Variants in ACSL3 observed in about 807,000 individuals in gnomAD.
ACSL3 encodes acyl-CoA synthetase long chain family member 3.
In ACSL3, 34 loss-of-function variants were observed where a neutral mutation model predicts 84.7. That is an observed-to-expected ratio of 0.40 (90% confidence interval 0.31 to 0.53). The LOEUF is 0.53. ACSL3 is among the 20% of genes least tolerant of loss of function. The pLI is 0.48. For synonymous variants in ACSL3, 315 were observed against 299.4 expected (o/e 1.05, Z -0.54); for missense variants, 680 against 873.1 (o/e 0.78, Z 2.79).
At position 222,902,969 on chromosome 2, in the gene ACSL3, C is replaced by T. The variant is rs527684630; in HGVS notation, c.-41+2189C>T. ...TGAAGGTGAGGTTTCACCGGGGACTCTACCCTATCTGCCTAGGTATTTGTC... is the reference window on the plus strand; with the variant it reads ...TGAAGGTGAGGTTTCACCGGGGACTTTACCCTATCTGCCTAGGTATTTGTC... On this transcript the variant is annotated intron_variant, in intron 3 of 16. Coordinates refer to ENST00000357430, the MANE Select transcript of ACSL3 (RefSeq NM_004457.5). 2.6e-5 allele frequency among the ~76,000 whole-genome samples: 4 copies of T among 152,306 alleles called. No individual in the cohort carries two copies. The East Asian group carries it at 5.8e-4, about 22-fold the overall frequency.
At position 222,937,668 on chromosome 2, in the gene ACSL3, C is replaced by T. The variant is rs10932980; in HGVS notation, c.2005+2981C>T. Among the ~76,000 whole-genome samples the T allele has an allele frequency of 7.9e-5, 12 of 152,050 alleles. No individual in the cohort carries two copies. The East Asian group carries it at 2.1e-3, about 27-fold the overall frequency. On this transcript the variant is annotated intron_variant, in intron 16 of 16. Coordinates refer to ENST00000357430, the MANE Select transcript of ACSL3 (RefSeq NM_004457.5). ...ATGGAATATCTATTTCCATCCTTCA[C>T]TTTAGGTTACGCATGCCCTTGGATC...
intron 1 of ACSL3, among the ~76,000 whole-genome samples, chr2:222,863,694 G>A (rs953124726): frequency 6.6e-6 from 1 of 152,084 alleles, no homozygotes; most frequent in African/African-American, 2.4e-5. Context: ...TGTAGCATAC[G>A]CTTCACAGGG....
intron 1 of ACSL3, among the ~76,000 whole-genome samples, chr2:222,868,093 G>C (rs536733904): frequency 6.6e-6 from 1 of 151,556 alleles, no homozygotes; most frequent in East Asian, 1.9e-4. Flanking sequence ...GATAATTCAC[G>C]TGTACCCTTT....
intron 1 of ACSL3, among the ~76,000 whole-genome samples, chr2:222,872,205 A>G (rs996822585): frequency 3.9e-5 from 6 of 152,098 alleles, no homozygotes; most frequent in East Asian, 3.8e-4. Flanking sequence ...GCTCACTGCA[A>G]TCTCCGTCTC....
intron 16 of ACSL3, among the ~76,000 whole-genome samples, chr2:222,941,244 A>G (rs529886123): frequency 3.9e-5 from 6 of 152,194 alleles, no homozygotes; most frequent in East Asian, 1.9e-4. Flanking sequence ...CTCGTTTTCA[A>G]TGACAGAATA....
intron 4 of ACSL3, among the ~76,000 whole-genome samples, chr2:222,914,655 G>T (rs1696529774): frequency 6.6e-6 from 1 of 152,132 alleles, no homozygotes. Context: ...ATTGCTTCAG[G>T]GTGTTGAGGT....
intron 1 of ACSL3, among the ~76,000 whole-genome samples, chr2:222,869,556 A>G (rs1373685619): frequency 2.6e-5 from 4 of 152,256 alleles, no homozygotes; most frequent in African/African-American, 9.6e-5. Flanking sequence ...TTCTGTAAGG[A>G]CAAGAGGATT....
intron 1 of ACSL3, among the ~76,000 whole-genome samples, chr2:222,862,164 T>C (rs1695031360): frequency 6.6e-6 from 1 of 152,260 alleles, no homozygotes; most frequent in Admixed American, 6.5e-5. Flanking sequence ...ATTGAGCTTT[T>C]ATTACATGCC....
chr2:222,923,999 T>A (rs1440061), intron 10 of ACSL3, among the ~76,000 whole-genome samples: 1 of 152,174 alleles, frequency 6.6e-6, no homozygotes, highest in Non-Finnish European at 1.5e-5. Context: ...AAACAAAAAC[T>A]CCCAAACGTT....
Position 222,916,983 on chromosome 2 carries a change from G to C in ACSL3, c.556+487G>C, listed in dbSNP as rs79587003. Reference sequence around the variant, plus strand: ...ATAGTTCTGGAAGCATAAGTTCAGAGGTCTCGGTGCCAAAATGTGACAGTA... The same window carrying C: ...ATAGTTCTGGAAGCATAAGTTCAGACGTCTCGGTGCCAAAATGTGACAGTA... On this transcript the variant is annotated intron_variant, in intron 5 of 16. Transcript: ENST00000357430. 6.1e-3 allele frequency among the ~76,000 whole-genome samples: 928 copies of C among 152,254 alleles called. 3 individuals carry two copies. The highest frequency in any genetic ancestry group is 0.022 in the African/African-American group (894 of 41,530).
At chr2:222,898,107 CTTCCTCTTTTAT>C (rs1696033613) in intron 2 of ACSL3, among the ~76,000 whole-genome samples, 1 of 152,164 alleles carries the variant, frequency 6.6e-6, no homozygotes, top group African/African-American at 2.4e-5. Context: ...AACTCTCAGG[CTTCCTCTTTTAT>C]TTCCTCTTTT....
At chr2:222,922,295 A>G (rs1000730100) in intron 8 of ACSL3, among the ~76,000 whole-genome samples, 6 of 152,220 alleles carry the variant, frequency 3.9e-5, no homozygotes, top group South Asian at 2.1e-4. Flanking sequence ...CTGGTTGGCA[A>G]CCCACTAGAT....
At chr2:222,890,683 C>T (rs1167821771) in intron 2 of ACSL3, among the ~76,000 whole-genome samples, 2 of 152,070 alleles carry the variant, frequency 1.3e-5, no homozygotes, top group African/African-American at 4.8e-5. Flanking sequence ...GGTCTGTGGC[C>T]CAGGCTGAGG....
chr2:222,934,093 G>GA (rs925613060), intron 15 of ACSL3, among the ~76,000 whole-genome samples: 12 of 151,482 alleles, frequency 7.9e-5, no homozygotes, highest in Non-Finnish European at 1.3e-4. Context: ...GATAACAAAA[G>GA]AAAAAAAAGA....
chr2:222,917,986 A>G, intron 5 of ACSL3, 60 bp from the exon 6 acceptor site: 2 of 1,228,592 alleles, frequency 1.6e-6, no homozygotes, highest in South Asian at 1.2e-5. Context: ...CCACATTCAG[A>G]GACTTTACAT....
chr2:222,862,101 T>G (rs904493711), intron 1 of ACSL3, among the ~76,000 whole-genome samples: 2 of 152,244 alleles, frequency 1.3e-5, no homozygotes, highest in African/African-American at 2.4e-5. Flanking sequence ...AGAAAGGCAG[T>G]AGGCTTTGTG....
chr2:222,887,539 G>A (rs561980484), intron 1 of ACSL3, among the ~76,000 whole-genome samples: 2 of 152,276 alleles, frequency 1.3e-5, no homozygotes, highest in South Asian at 4.1e-4. Context: ...ATTCCCACCA[G>A]CAATGAATGA....
In ACSL3 at chr2:222,924,591, G is replaced by A. The variant is rs34626661; in HGVS notation, c.1288G>A (p.Asp430Asn). 335 of 1,598,038 alleles carry A rather than the reference G, an allele frequency of 2.1e-4. 1 individual carries two copies. In the African/African-American group the frequency reaches 3.5e-3, roughly 17 times the overall value. The part of the protein sequence containing the change: ...ISKGRNTPLC[D>N]SFVFRKVRSL... ...AAAAGGACGTAATACTCCACTGTGCGACAGGTAAGTAAAGACTCTCTACCT... is the reference window on the plus strand; with the variant it reads ...AAAAGGACGTAATACTCCACTGTGCAACAGGTAAGTAAAGACTCTCTACCT... The change falls in exon 11 of 17, where the codon GAC (aspartate) becomes AAC (asparagine). Residue 430 changes from aspartate (D) to asparagine (N), a missense_variant. Around this residue, in one of 2 missense-constraint regions of ACSL3, gnomAD observed 347 missense variants for 525.7 expected, o/e 0.66. Transcript: ENST00000357430.
At chr2:222,910,890 T>C (rs1489870917) in intron 4 of ACSL3, among the ~76,000 whole-genome samples, 2 of 152,222 alleles carry the variant, frequency 1.3e-5, no homozygotes, top group Non-Finnish European at 2.9e-5. Context: ...TTTTTTTCTA[T>C]TTAAGATCTC....
Sources: gnomAD v4.1 joint callset for allele counts (sites outside exome capture counted in the v4.1 genomes callset) on GRCh38, gnomAD v4.1.1 for gene constraint, gnomAD v4.1.1 regional missense constraint, MANE v1.5 for transcripts, NCBI Gene and HGNC (gene_info 2026-07-23, HGNC 2026-07-21) for gene names.